PARP1: variants seen among roughly 807,000 people sequenced by gnomAD.
PARP1 encodes poly [ADP-ribose] polymerase 1.
PARP1 carries 44 observed loss-of-function variants against 118.7 expected under a neutral mutation model. The ratio of observed to expected loss-of-function variants is 0.37; its 90% confidence interval spans 0.29 to 0.48. The LOEUF is 0.48. Among genes scored for constraint, PARP1 ranks in the 20% least tolerant of loss-of-function variants. The pLI is 0.99. For missense variants in PARP1, 1,100 were observed against 1,272.4 expected, an observed-to-expected ratio of 0.86 and a Z score of 2.06; for synonymous variants, 492 against 483.2, an observed-to-expected ratio of 1.02 and a Z score of -0.24.
At chr1:226,397,337 C>T (rs1576402279) in intron 2 of PARP1, among the ~76,000 whole-genome samples, 3 of 152,130 alleles carry the variant, frequency 2.0e-5, no homozygotes, top group South Asian at 4.2e-4. Context: ...ATCTGACATA[C>T]TCACCCTCTG....
rs116435355 is a variant in PARP1, at chr1:226,372,558, C to G, written c.2070+1668G>C. Among the ~76,000 whole-genome samples, 1,177 of 152,212 alleles carry G rather than the reference C, an allele frequency of 7.7e-3. 7 individuals carry two copies. Among genetic ancestry groups the G allele is most frequent in the Non-Finnish European group, 0.013 (854 of 68,018 alleles). On this transcript the variant is annotated intron_variant, in intron 14 of 22. Transcript: ENST00000366794. ...GGCACAGTCGTGCACGCCTGTAGTC[C>G]CAGCTACTCGGGAGGCTGAGGCAGG...
At chr1:226,396,536 G>A in intron 2 of PARP1, among the ~76,000 whole-genome samples, 1 of 152,024 alleles carries the variant, frequency 6.6e-6, no homozygotes, top group Middle Eastern at 3.2e-3. Flanking sequence ...TATCCCACAT[G>A]TTAATAAGTC....
chr1:226,390,281 T>C, intron 4 of PARP1, 129 bp downstream of exon 4: 4 of 837,360 alleles, frequency 4.8e-6, no homozygotes, highest in South Asian at 1.4e-5. Context: ...ATTCCTCAGT[T>C]TGCATCTCCC....
In PARP1 at chr1:226,373,599, C is replaced by T. The variant is rs1424866476; in HGVS notation, c.2070+627G>A. The stretch of plus-strand genomic sequence containing the variant: ...CTGCCTGCAGTCTCTGCCATTCTGC[C>T]CTGGACAGAAGCATGACTAATCCAG... On this transcript the variant is annotated intron_variant, in intron 14 of 22. Coordinates refer to ENST00000366794, the MANE Select transcript of PARP1 (RefSeq NM_001618.4). 2.0e-5 allele frequency among the ~76,000 whole-genome samples: 3 copies of T among 152,152 alleles called. No homozygotes were observed. In the South Asian group the frequency reaches 6.2e-4, roughly 32 times the overall value.
At chr1:226,382,350 C>T (rs1044893915) in intron 8 of PARP1, among the ~76,000 whole-genome samples, 1 of 152,170 alleles carries the variant, frequency 6.6e-6, no homozygotes, top group Admixed American at 6.5e-5. Context: ...AGCATCACAC[C>T]AGGGCCCGGA....
chr1:226,366,248 T>TC, intron 17 of PARP1, 196 bp from the exon 18 acceptor site: 1 of 586,296 alleles, frequency 1.7e-6, no homozygotes, highest in Non-Finnish European at 3.1e-6. Flanking sequence ...AGCCTCCACC[T>TC]CTTCATCTAC....
chr1:226,362,928 A>G (rs549213996), intron 21 of PARP1, among the ~76,000 whole-genome samples, 171 bp downstream of exon 21: 1 of 151,310 alleles, frequency 6.6e-6, no homozygotes, highest in African/African-American at 2.4e-5. Context: ...AACCACCACC[A>G]CCACCCCCCA....
chr1:226,375,562 T>A (rs536483584), intron 13 of PARP1, among the ~76,000 whole-genome samples: 1 of 152,238 alleles, frequency 6.6e-6, no homozygotes, highest in African/African-American at 2.4e-5. Flanking sequence ...AACTGAGGTG[T>A]GCTGTAGGTG....
intron 6 of PARP1, among the ~76,000 whole-genome samples, chr1:226,385,981 C>T (rs1263421346): frequency 6.6e-6 from 1 of 152,170 alleles, no homozygotes; most frequent in African/African-American, 2.4e-5. Context: ...AGCCAACTCC[C>T]AAGAATGACA....
Position 226,386,390 on chromosome 1 carries a change from G to A in PARP1, c.770C>T (p.Ser257Leu). 1 of 1,614,040 alleles carries A rather than the reference G, an allele frequency of 6.2e-7. No homozygotes were observed. Among genetic ancestry groups the A allele is most frequent in the Non-Finnish European group, 8.5e-7 (1 of 1,179,934 alleles). Residue 257 changes from serine (S) to leucine (L), a missense_variant, in exon 6 of 23, where the codon TCA becomes TTA. By Grantham distance (145) the Ser-to-Leu change is moderately radical. Around this residue, in one of 2 missense-constraint regions of PARP1, gnomAD observed 948 missense variants for 1,031.8 expected, o/e 0.92. Coordinates refer to ENST00000366794, the MANE Select transcript of PARP1 (RefSeq NM_001618.4). ...GAGTAGCTCCTTCAGGTCATTAGTT[G>A]AACACACTTTCTTTAGCTCGTCCTT... Reference protein sequence around the residue: ...NIKDELKKVCSTNDLKELLIF... With the variant: ...NIKDELKKVCLTNDLKELLIF...
chr1:226,362,153 C>T (rs1210868079), intron 21 of PARP1, 70 bp from the exon 22 acceptor site: 4 of 862,926 alleles, frequency 4.6e-6, no homozygotes, highest in Admixed American at 1.8e-5. Context: ...GGGAGATGAG[C>T]TCTATTTGAT....
At chr1:226,378,570 G>A (rs901066067) in intron 12 of PARP1, among the ~76,000 whole-genome samples, 1 of 152,188 alleles carries the variant, frequency 6.6e-6, no homozygotes, top group African/African-American at 2.4e-5. Flanking sequence ...AGCTGGGGCT[G>A]GGTGCAGAGG....
chr1:226,395,707 G>T (rs1664900326), intron 2 of PARP1, among the ~76,000 whole-genome samples: 1 of 152,178 alleles, frequency 6.6e-6, no homozygotes, highest in African/African-American at 2.4e-5. Flanking sequence ...ATGGGCAAAT[G>T]AAATATGGCA....
At chr1:226,401,855 G>A in intron 2 of PARP1, 7 of 740,224 alleles carry the variant, frequency 9.5e-6, no homozygotes, top group Non-Finnish European at 1.5e-5. Context: ...TATAACAAAT[G>A]TACTACTCTG....
chr1:226,365,899 G>A (rs1664254556), intron 18 of PARP1, 55 bp downstream of exon 18: 1 of 1,164,250 alleles, frequency 8.6e-7, no homozygotes, highest in Non-Finnish European at 1.3e-6. Flanking sequence ...TGGAGGAGTG[G>A]GCAGGGAAGA....
At position 226,388,644 on chromosome 1, in the gene PARP1, C is replaced by G. The variant is rs1466321005; in HGVS notation, c.717+12G>C. On this transcript the variant is annotated intron_variant, in intron 5 of 22. Coordinates refer to ENST00000366794, the MANE Select transcript of PARP1 (RefSeq NM_001618.4). Reference sequence around the variant, plus strand: ...CAGAATGTCGAAAGGAGACACAGAGCTGAGAACTCACCTTTAGGGCTTTTT... The same window carrying G: ...CAGAATGTCGAAAGGAGACACAGAGGTGAGAACTCACCTTTAGGGCTTTTT... The G allele has an allele frequency of 6.5e-6, 10 of 1,549,644 alleles. No homozygotes were observed. The highest frequency in any genetic ancestry group is 2.7e-5 in the African/African-American group (2 of 73,690).
chr1:226,392,462 T>C, intron 2 of PARP1, 148 bp from the exon 3 acceptor site: 1 of 719,620 alleles, frequency 1.4e-6, no homozygotes, highest in Non-Finnish European at 2.5e-6. Context: ...CATCTGTCTG[T>C]TTGTAACAAC....
Position 226,361,274 on chromosome 1 carries a change from A to T in PARP1, c.*186T>A. ...CCCAAAACAACCCCTCCCCACAGAC[A>T]CAACACAAAACAAGGGACTTGAGAA... On this transcript the variant is annotated 3_prime_UTR_variant, in exon 23 of 23. Transcript: ENST00000366794. 1.5e-6 allele frequency: 1 copy of T among 658,846 alleles called. No homozygotes were observed. Among genetic ancestry groups the T allele is most frequent in the Non-Finnish European group, 2.8e-6 (1 of 358,312 alleles). 40.8% of individuals were successfully genotyped at this position (658,846 alleles called of 1,614,324 possible). A position where few individuals can be genotyped will look rare whatever the true frequency, so the allele number is the denominator to read the frequency against.
intron 1 of PARP1, among the ~76,000 whole-genome samples, chr1:226,402,933 A>G (rs1251608398): frequency 6.6e-6 from 1 of 152,246 alleles, no homozygotes; most frequent in Non-Finnish European, 1.5e-5. Context: ...GTGTCAGAAA[A>G]AAGTGTCAAG....
Sources: gnomAD v4.1 joint callset for allele counts (sites outside exome capture counted in the v4.1 genomes callset) on GRCh38, gnomAD v4.1.1 for gene constraint, gnomAD v4.1.1 regional missense constraint, MANE v1.5 for transcripts, NCBI Gene and HGNC (gene_info 2026-07-23, HGNC 2026-07-21) for gene names.